Variants in TMIGD3 observed in about 807,000 individuals in gnomAD.
TMIGD3 encodes the protein AD026 protein (AD026).
A neutral mutation model predicts 28.1 loss-of-function variants in TMIGD3; 21 were observed. The ratio of observed to expected loss-of-function variants is 0.75; its 90% CI spans 0.53 to 1.08. The LOEUF is 1.08. TMIGD3 is among the 50% of genes least tolerant of loss of function. The probability of loss-of-function intolerance (pLI) is 0.00; values close to 1 mark genes in which losing one functional copy is unlikely to be tolerated. For missense variants in TMIGD3, 416 were observed against 435.6 expected (o/e 0.96, Z 0.40); for synonymous variants, 151 against 162.1 (o/e 0.93, Z 0.52).
At chr1:111,490,116 ACTGAAGGT>A (rs1654585280) in intron 2 of TMIGD3, among the ~76,000 whole-genome samples, 2 of 152,280 alleles carry the variant, frequency 1.3e-5, no homozygotes, top group Non-Finnish European at 2.9e-5. Flanking sequence ...ATGCCACACA[ACTGAAGGT>A]CAGACAGAGC....
In TMIGD3 at chr1:111,493,404, G is replaced by T. The variant is rs75204663; in HGVS notation, c.351-2642C>A. 6.3e-3 allele frequency among the ~76,000 whole-genome samples: 956 copies of T among 152,152 alleles called. 13 individuals carry two copies. The highest frequency in any genetic ancestry group is 0.02 in the African/African-American group (820 of 41,504). Reference sequence around the variant, plus strand: ...CCTCCCCCCACCCTGCTTCCCTTGCGTTCATCATGTGATCTCTGCCCACTG... The same window carrying T: ...CCTCCCCCCACCCTGCTTCCCTTGCTTTCATCATGTGATCTCTGCCCACTG... On this transcript the variant is annotated intron_variant, in intron 1 of 5. Coordinates refer to ENST00000369716, the MANE Select transcript of TMIGD3 (RefSeq NM_020683.7).
chr1:111,519,677 G>C (rs962956242), intron 1 of TMIGD3, among the ~76,000 whole-genome samples: 31 of 151,076 alleles, frequency 2.1e-4, no homozygotes, highest in Middle Eastern at 3.4e-3. Context: ...TTCCCTCCCC[G>C]AGCTTAGTGC....
Position 111,514,421 on chromosome 1 carries a change from A to T in TMIGD3, c.108-23659T>A, listed in dbSNP as rs145071638. Among the ~76,000 whole-genome samples the T allele has an allele frequency of 6.6e-5, 10 of 152,180 alleles. No individual in the cohort carries two copies. The East Asian group carries it at 1.9e-3, about 29-fold the overall frequency. On this transcript the variant is annotated intron_variant, in intron 1 of 5. Coordinates refer to the TMIGD3 transcript ENST00000369717. ...AAAAATTAGTTGGGCGTGGTGTAAA[A>T]AATTATAGACCTGCACCTGCAGTCC...
chr1:111,503,179 A>G lies in TMIGD3; in HGVS notation c.176T>C (p.Ile59Thr), dbSNP rs1178126110. ...YFIVSLALAD[I>T]AVGVLVMPLA... Reference sequence around the variant, plus strand: ...AGGCATGACCAGCACCCCAACAGCAATGTCAGCCAGGGCTAGAGAGACAAT... The same window carrying G: ...AGGCATGACCAGCACCCCAACAGCAGTGTCAGCCAGGGCTAGAGAGACAAT... The change falls in exon 1 of 6, where the codon ATT becomes ACT. Residue 59 changes from isoleucine to threonine, a missense_variant. Coordinates refer to ENST00000369716, the MANE Select transcript of TMIGD3 (RefSeq NM_020683.7). The G allele has an allele frequency of 1.2e-6, 2 of 1,614,124 alleles. No homozygotes were observed. Among genetic ancestry groups the G allele is most frequent in the African/African-American group, 1.3e-5 (1 of 74,946 alleles).
chr1:111,513,313 C>A (rs1655753390), intron 1 of TMIGD3, among the ~76,000 whole-genome samples: 1 of 152,208 alleles, frequency 6.6e-6, no homozygotes, highest in African/African-American at 2.4e-5. Flanking sequence ...TAAACAGCAA[C>A]AAGTGGGGAT....
intron 1 of TMIGD3, among the ~76,000 whole-genome samples, chr1:111,531,780 G>C (rs1384450456): frequency 1.3e-5 from 2 of 152,024 alleles, no homozygotes; most frequent in South Asian, 2.1e-4. Context: ...TCAAACTCCT[G>C]AGCTTAAGCG....
chr1:111,493,664 C>T (rs1417286160), intron 1 of TMIGD3, among the ~76,000 whole-genome samples: 1 of 152,042 alleles, frequency 6.6e-6, no homozygotes, highest in African/African-American at 2.4e-5. Context: ...AATCAAAAAA[C>T]AAAAACAACT....
At chr1:111,549,182 T>A (rs1224551164) in intron 1 of TMIGD3, among the ~76,000 whole-genome samples, 1 of 152,180 alleles carries the variant, frequency 6.6e-6, no homozygotes, top group Non-Finnish European at 1.5e-5. Flanking sequence ...TAGGGTAATA[T>A]TGGTCTTATA....
At position 111,483,574 on chromosome 1, in the gene TMIGD3, G is replaced by C. The variant is rs1457950989; in HGVS notation, c.*113C>G. 2 of 892,838 alleles carry C rather than the reference G, an allele frequency of 2.2e-6. No individual in the cohort carries two copies. Among genetic ancestry groups the C allele is most frequent in the East Asian group, 5.3e-5 (2 of 37,596 alleles). The allele number at this position is 892,838 out of a possible 1,614,324, so 55.3% of individuals were successfully genotyped here. A position where few individuals can be genotyped will look rare whatever the true frequency, so the allele number is the denominator to read the frequency against. On this transcript the variant is annotated 3_prime_UTR_variant, in exon 6 of 6. Coordinates refer to ENST00000369716, the MANE Select transcript of TMIGD3 (RefSeq NM_020683.7). Reference sequence around the variant, plus strand: ...CAAATGATTGTTGTCAAGGATAGAGGGTCCTTCAGAATTCCTGGGAGATCA... The same window carrying C: ...CAAATGATTGTTGTCAAGGATAGAGCGTCCTTCAGAATTCCTGGGAGATCA...
At chr1:111,512,483 G>C (rs1400668119) in intron 1 of TMIGD3, among the ~76,000 whole-genome samples, 1 of 152,238 alleles carries the variant, frequency 6.6e-6, no homozygotes, top group African/African-American at 2.4e-5. Flanking sequence ...TAGCCAAACT[G>C]CTTAATCTCT....
At position 111,503,040 on chromosome 1, in the gene TMIGD3, A is replaced by C; in HGVS notation, c.315T>G (p.Ala105=). Residue 105 remains alanine, a synonymous_variant, in exon 1 of 6, where the codon GCT becomes GCG. Transcript: ENST00000369716. ...GCTTGACCCGCAAGTATCGGTCCAC[A>C]GCGATGGCCAGCAAGGACATGATGG... ...HASIMSLLAI[A]VDRYLRVKLT... The C allele has an allele frequency of 3.7e-6, 6 of 1,614,200 alleles. No homozygotes were observed. Among genetic ancestry groups the C allele is most frequent in the Non-Finnish European group, 5.1e-6 (6 of 1,180,042 alleles).
intron 1 of TMIGD3, among the ~76,000 whole-genome samples, chr1:111,501,579 A>G (rs1655178279): frequency 6.6e-6 from 1 of 152,238 alleles, no homozygotes; most frequent in Non-Finnish European, 1.5e-5. Context: ...TCATTTTATG[A>G]GGATAGTGCA....
At position 111,503,069 on chromosome 1, in the gene TMIGD3, C is replaced by T. The variant is rs749922711; in HGVS notation, c.286G>A (p.Ala96Thr). The change falls in exon 1 of 6, where the codon GCC becomes ACC. Residue 96 changes from alanine to threonine, a missense_variant. Coordinates refer to ENST00000369716, the MANE Select transcript of TMIGD3 (RefSeq NM_020683.7). ...ATGGCCAGCAAGGACATGATGGAGGCGTGGGTAAAGATAAGCAGTAGGCAA... is the reference window on the plus strand; with the variant it reads ...ATGGCCAGCAAGGACATGATGGAGGTGTGGGTAAAGATAAGCAGTAGGCAA... ...MTCLLLIFTH[A>T]SIMSLLAIAV... 1.2e-5 allele frequency: 19 copies of T among 1,613,972 alleles called. No homozygotes were observed. The East Asian group carries it at 1.8e-4, about 15-fold the overall frequency.
At chr1:111,528,067 G>A (rs375154263) in intron 1 of TMIGD3, among the ~76,000 whole-genome samples, 8 of 151,698 alleles carry the variant, frequency 5.3e-5, no homozygotes, top group Non-Finnish European at 1.0e-4. Context: ...ATATAAAAAC[G>A]CATCATCATA....
Position 111,488,737 on chromosome 1 carries a change from T to C in TMIGD3, c.745A>G (p.Thr249Ala). ...TTGTCGTCAGTTACAATCAGCTCTG[T>C]AAAATCCATGTCATCCCTGGCAAAG... ...RDFARDDMDF[T>A]ELIVTDDKGT... The change falls in exon 3 of 6, where the codon ACA becomes GCA. Residue 249 changes from threonine to alanine, a missense_variant. By Grantham distance (58) the Thr-to-Ala change is moderately conservative. Transcript: ENST00000369716. 6.2e-7 allele frequency: 1 copy of C among 1,614,208 alleles called. No individual in the cohort carries two copies. Among genetic ancestry groups the C allele is most frequent in the Non-Finnish European group, 8.5e-7 (1 of 1,180,034 alleles).
chr1:111,516,287 C>T (rs750999036), intron 1 of TMIGD3, among the ~76,000 whole-genome samples: 11 of 152,202 alleles, frequency 7.2e-5, no homozygotes, highest in Non-Finnish European at 1.2e-4. Flanking sequence ...ATAGCACCCC[C>T]TCCAGGTCAG....
intron 1 of TMIGD3, among the ~76,000 whole-genome samples, chr1:111,559,602 T>C (rs948125536): frequency 2.0e-5 from 3 of 152,206 alleles, no homozygotes; most frequent in African/African-American, 7.2e-5. Context: ...TATAATCAAA[T>C]GGTATCCAAT....
At chr1:111,544,524 T>TG (rs1656966058) in intron 1 of TMIGD3, among the ~76,000 whole-genome samples, 1 of 152,196 alleles carries the variant, frequency 6.6e-6, no homozygotes, top group Non-Finnish European at 1.5e-5. Flanking sequence ...TGTTGTAACA[T>TG]GCATTGTATC....
At chr1:111,502,502 A>C (rs1247807917) in intron 1 of TMIGD3, among the ~76,000 whole-genome samples, 4 of 144,626 alleles carry the variant, frequency 2.8e-5, no homozygotes, top group Middle Eastern at 3.4e-3. Context: ...ATTGGAATAT[A>C]TATATATTCC....
Sources: allele counts gnomAD v4.1 joint callset (sites outside exome capture counted in the v4.1 genomes callset), GRCh38; gene constraint gnomAD v4.1.1; transcripts MANE v1.5; gene names NCBI Gene and HGNC (gene_info 2026-07-23, HGNC 2026-07-21).